Variants in CRTC1 observed in about 807,000 individuals in gnomAD.
CRTC1 encodes the protein CREB-regulated transcription coactivator 1.
Under a neutral mutation model 66.1 loss-of-function variants are expected in CRTC1, and 18 were observed. That is an observed-to-expected ratio of 0.27 (90% CI 0.19 to 0.40). The LOEUF is 0.40. Among genes scored for constraint, CRTC1 ranks in the 10% least tolerant of loss-of-function variants. The probability of loss-of-function intolerance (pLI) is 1.00; values close to 1 mark genes in which losing one functional copy is unlikely to be tolerated. For missense variants in CRTC1, 669 were observed against 887.9 expected (o/e 0.75, Z 3.13); for synonymous variants, 416 against 398.8 (o/e 1.04, Z -0.51).
chr19:18,727,193 T>A (rs1001475287), intron 1 of CRTC1, among the ~76,000 whole-genome samples: 2 of 152,036 alleles, frequency 1.3e-5, no homozygotes, highest in African/African-American at 4.8e-5. Context: ...AAGGCTGCCA[T>A]GAGCTATGAT....
At chr19:18,751,784 C>T (rs180996744) in intron 5 of CRTC1, among the ~76,000 whole-genome samples, 8 of 152,106 alleles carry the variant, frequency 5.3e-5, no homozygotes, top group African/African-American at 1.4e-4. Context: ...TGCTTGGTGC[C>T]GGGGGCTCAA....
At chr19:18,703,585 C>T (rs375418168) in intron 1 of CRTC1, among the ~76,000 whole-genome samples, 8 of 152,220 alleles carry the variant, frequency 5.3e-5, no homozygotes, top group Admixed American at 3.3e-4. Context: ...GTCTTAGCCT[C>T]CCAAGTAGCT....
intron 1 of CRTC1, among the ~76,000 whole-genome samples, chr19:18,729,473 G>A (rs776441759): frequency 1.8e-4 from 28 of 151,750 alleles, no homozygotes; most frequent in Non-Finnish European, 3.2e-4. Context: ...GGCTGGGTGT[G>A]GTGGCTCATG....
intron 1 of CRTC1, among the ~76,000 whole-genome samples, chr19:18,694,135 G>GA (rs56040700): frequency 0.51 from 63,988 of 125,162 alleles, 19,144 homozygotes; most frequent in African/African-American, 0.83. Context: ...CTCCGTCTCA[G>GA]AAAAAAAAAA....
intron 1 of CRTC1, among the ~76,000 whole-genome samples, chr19:18,722,115 C>T (rs752203242): frequency 3.9e-5 from 6 of 152,218 alleles, no homozygotes; most frequent in Non-Finnish European, 4.4e-5. Context: ...CCTATGCATC[C>T]GCTGACTAAG....
At position 18,779,512 on chromosome 19, in the gene CRTC1, AG is replaced by A. The variant is rs1252478565; in HGVS notation, c.*2131del. On this transcript the variant is annotated 3_prime_UTR_variant, in exon 14 of 14. Transcript: ENST00000321949. ...TACATAGGAGAGTTTCATTACCATT[AG>A]ACTTGTATGTAGGACTTAAAAAAAA... 4.7e-6 allele frequency: 1 copy of A among 214,396 alleles called. No homozygotes were observed. 13.3% of individuals were successfully genotyped at this position (214,396 alleles called of 1,614,324 possible).
Position 18,778,858 on chromosome 19 carries a change from A to AC in CRTC1, c.*1481dup, listed in dbSNP as rs1355259831. Reference sequence around the variant, plus strand: ...CCCTACCCTCTGGCTCCTAGCCCACACCCCCTCTCTTGGGCAGCGTGGTCT... The same window carrying AC: ...CCCTACCCTCTGGCTCCTAGCCCACACCCCCCTCTCTTGGGCAGCGTGGTCT... On this transcript the variant is annotated 3_prime_UTR_variant, in exon 14 of 14. Coordinates refer to ENST00000321949, the MANE Select transcript of CRTC1 (RefSeq NM_015321.3). 5 of 231,012 alleles carry AC rather than the reference A, an allele frequency of 2.2e-5. No individual in the cohort carries two copies. The highest frequency in any genetic ancestry group is 1.1e-4 in the African/African-American group (5 of 45,180). The allele number at this position is 231,012 out of a possible 1,614,324, so 14.3% of individuals were successfully genotyped here.
chr19:18,763,673 G>A (rs11878358), intron 8 of CRTC1, among the ~76,000 whole-genome samples: 37,315 of 152,156 alleles, frequency 0.25, 5,495 homozygotes, highest in East Asian at 0.71. Context: ...GAATCAGACA[G>A]CCCAGTGGCC....
chr19:18,762,637 G>A (rs1209325302), intron 8 of CRTC1, among the ~76,000 whole-genome samples: 4 of 152,168 alleles, frequency 2.6e-5, no homozygotes, highest in East Asian at 1.9e-4. Context: ...CTTTGAGGCC[G>A]GGCGGGCCCT....
In CRTC1 at chr19:18,737,739, G is replaced by GCTCCTC. The variant is rs760680059; in HGVS notation, c.127-5148_127-5143dup. On this transcript the variant is annotated intron_variant, in intron 1 of 13. Transcript: ENST00000321949. Reference sequence around the variant, plus strand: ...ACCAAGCTGCCGCCCTCCTGCTGCTGCTCCTCCTCCTCCTCCTCCTCCTCC... The same window carrying GCTCCTC: ...ACCAAGCTGCCGCCCTCCTGCTGCTGCTCCTCCTCCTCCTCCTCCTCCTCCTCCTCC... Among the ~76,000 whole-genome samples, 16 of 149,844 alleles carry GCTCCTC rather than the reference G, an allele frequency of 1.1e-4. No homozygotes were observed. In the East Asian group the frequency reaches 2.2e-3, roughly 20 times the overall value.
At position 18,768,530 on chromosome 19, in the gene CRTC1, G is replaced by T. The variant is rs771017931; in HGVS notation, c.1057G>T (p.Ala353Ser). 20 of 1,609,188 alleles carry T rather than the reference G, an allele frequency of 1.2e-5. No individual in the cohort carries two copies. The South Asian group carries it at 2.2e-4, about 18-fold the overall frequency. The change falls in exon 10 of 14, where the codon GCC becomes TCC. Residue 353 changes from alanine to serine, a missense_variant. Physicochemically the swap from Ala to Ser is moderately conservative, Grantham distance 99 (BLOSUM62 1). Transcript: ENST00000321949. The surrounding 1 kb of genome is among the most constrained non-coding windows in gnomAD (Gnocchi z 5.6). The stretch of plus-strand genomic sequence containing the variant: ...GTCTCTGGAGCAGCAGCTGCCCTAC[G>T]CCTTCTTCACCCAGGCGGGCTCCCA... ...ALSLEQQLPY[A>S]FFTQAGSQQP...
chr19:18,753,719 A>G (rs1052438507), intron 6 of CRTC1, 134 bp downstream of exon 6: 19 of 639,664 alleles, frequency 3.0e-5, no homozygotes, highest in East Asian at 1.9e-4. Context: ...CGATTTTTCC[A>G]TCTTCAAATT....
At chr19:18,770,069 G>A (rs1267652576) in intron 10 of CRTC1, among the ~76,000 whole-genome samples, 4 of 143,234 alleles carry the variant, frequency 2.8e-5, no homozygotes, top group African/African-American at 5.1e-5. Flanking sequence ...CCCAGAAGGC[G>A]CCACCAAGGA....
At chr19:18,739,030 TCCAAATCGCCAGTG>T (rs1296119374) in intron 1 of CRTC1, among the ~76,000 whole-genome samples, 1 of 152,048 alleles carries the variant, frequency 6.6e-6, no homozygotes, top group East Asian at 1.9e-4. Context: ...AGCAGGGCCC[TCCAAATCGCCAGTG>T]GGGTCCACTC....
Position 18,768,650 on chromosome 19 carries a change from C to A in CRTC1, c.1177C>A (p.Pro393Thr). The change falls in exon 10 of 14, where the codon CCC (proline) becomes ACC (threonine). Residue 393 changes from proline (P) to threonine (T), a missense_variant. Around this residue, in one of 8 missense-constraint regions of CRTC1, gnomAD observed 241 missense variants for 242.2 expected, o/e 0.99. Transcript: ENST00000321949. This position sits in a 1 kb window ranked among gnomAD's most constrained non-coding sequence, Gnocchi z 5.6. ...PPPPQAPVRL[P>T]PGGPLLPSAS... ...ACCCCCACAGGCGCCCGTCCGCCTG[C>A]CCCCTGGTGGCCCCCTGTTGCCCAG... is the stretch of plus-strand genomic sequence containing the variant. 1.3e-6 allele frequency: 2 copies of A among 1,526,348 alleles called. No individual in the cohort carries two copies. The highest frequency in any genetic ancestry group is 1.8e-6 in the Non-Finnish European group (2 of 1,129,028). The allele number at this position is 1,526,348 out of a possible 1,614,324, so 94.6% of individuals were successfully genotyped here.
At chr19:18,753,268 T>C (rs1462454738) in intron 5 of CRTC1, among the ~76,000 whole-genome samples, 1 of 145,452 alleles carries the variant, frequency 6.9e-6, no homozygotes, top group Non-Finnish European at 1.5e-5. Context: ...AGAGCGAGAC[T>C]CCGTCTCTAA....
intron 6 of CRTC1, 90 bp downstream of exon 6, chr19:18,753,675 T>G (rs1021323881): frequency 1.1e-6 from 1 of 879,806 alleles, no homozygotes. Context: ...CAGGTTGGGG[T>G]GGCTTCACCT....
chr19:18,752,286 A>G (rs2054381864), intron 5 of CRTC1, among the ~76,000 whole-genome samples: 2 of 152,136 alleles, frequency 1.3e-5, no homozygotes, highest in Admixed American at 1.3e-4. Flanking sequence ...GGGAAGCAGA[A>G]TCCACACATC....
At chr19:18,710,891 C>T (rs959913838) in intron 1 of CRTC1, among the ~76,000 whole-genome samples, 2 of 152,190 alleles carry the variant, frequency 1.3e-5, no homozygotes, top group Non-Finnish European at 2.9e-5. Context: ...GCTGGGATTA[C>T]AGGTGTGAAC....
Sources: allele counts gnomAD v4.1 joint callset (sites outside exome capture counted in the v4.1 genomes callset), GRCh38; gene constraint gnomAD v4.1.1; regional missense constraint gnomAD v4.1.1; non-coding constraint Gnocchi (gnomAD v3.1); transcripts MANE v1.5; gene names NCBI Gene and HGNC (gene_info 2026-07-23, HGNC 2026-07-21).